GNAQ: variants seen among roughly 807,000 people sequenced by gnomAD.
GNAQ encodes G protein subunit alpha q, also known as guanine nucleotide-binding protein G(q) subunit alpha.
Under a neutral mutation model 43.9 loss-of-function variants are expected in GNAQ, and 8 were observed. That is an observed-to-expected ratio of 0.18 (90% confidence interval 0.11 to 0.33). The LOEUF (loss-of-function observed/expected upper bound fraction) is 0.33, where lower values mean the gene tolerates loss of function less well. Ranked by LOEUF, GNAQ falls within the 10% of genes least tolerant of loss-of-function variation. The pLI, the probability that GNAQ is intolerant of heterozygous loss-of-function variation, is 1.00. For synonymous variants in GNAQ, 155 were observed against 170.7 expected, an observed-to-expected ratio of 0.91 and a Z score of 0.71; for missense variants, 158 against 450.8, an observed-to-expected ratio of 0.35 and a Z score of 5.88.
At chr9:77,914,594 G>A (rs991103182) in intron 2 of GNAQ, among the ~76,000 whole-genome samples, 8 of 152,022 alleles carry the variant, frequency 5.3e-5, no homozygotes, top group African/African-American at 1.2e-4. Flanking sequence ...CCCAGGAGGC[G>A]GAGGTTGCGG....
chr9:78,022,842 A>T (rs1487478445), intron 1 of GNAQ, among the ~76,000 whole-genome samples: 1 of 152,214 alleles, frequency 6.6e-6, no homozygotes, highest in African/African-American at 2.4e-5. Flanking sequence ...GAAAATACCA[A>T]AACAAACCCA....
At chr9:78,015,990 G>A (rs978181668) in intron 1 of GNAQ, among the ~76,000 whole-genome samples, 1 of 152,122 alleles carries the variant, frequency 6.6e-6, no homozygotes. Context: ...AGAATGTCAA[G>A]ACAACTCAAT....
At chr9:77,861,376 T>G in intron 2 of GNAQ, among the ~76,000 whole-genome samples, 4 of 152,272 alleles carry the variant, frequency 2.6e-5, no homozygotes, top group Admixed American at 2.6e-4. Context: ...CCAAATCTCA[T>G]GTCCTCATAT....
intron 1 of GNAQ, among the ~76,000 whole-genome samples, chr9:78,002,150 C>T (rs1255922184): frequency 6.6e-6 from 1 of 152,110 alleles, no homozygotes; most frequent in Non-Finnish European, 1.5e-5. Flanking sequence ...TAATATTATT[C>T]AGTTAAGTGA....
At chr9:77,945,896 C>T (rs886250759) in intron 1 of GNAQ, among the ~76,000 whole-genome samples, 1 of 152,230 alleles carries the variant, frequency 6.6e-6, no homozygotes, top group South Asian at 2.1e-4. Flanking sequence ...TGAAGTTATG[C>T]GAATCACCCA....
chr9:77,802,739 C>T lies in GNAQ; in HGVS notation c.477-5091G>A, dbSNP rs557211460. ...ATGTGTAACAAGTATCTGGTAGTGA[C>T]TCTCTCCTGATGTCAGGGAGAGGAA... On this transcript the variant is annotated intron_variant, in intron 3 of 6. Coordinates refer to ENST00000286548, the MANE Select transcript of GNAQ (RefSeq NM_002072.5). 2.6e-5 allele frequency among the ~76,000 whole-genome samples: 4 copies of T among 152,220 alleles called. No homozygotes were observed. The South Asian group carries it at 6.2e-4, about 24-fold the overall frequency.
At chr9:77,992,121 T>C (rs1200561473) in intron 1 of GNAQ, among the ~76,000 whole-genome samples, 1 of 152,194 alleles carries the variant, frequency 6.6e-6, no homozygotes, top group Non-Finnish European at 1.5e-5. Context: ...AGTTCTACTT[T>C]TAGTTCTCTA....
intron 5 of GNAQ, among the ~76,000 whole-genome samples, chr9:77,762,322 C>T (rs1442269504): frequency 2.0e-5 from 3 of 147,404 alleles, no homozygotes; most frequent in Admixed American, 1.3e-4. Context: ...CCCGCCCGGC[C>T]AGCCGCCCCA....
At chr9:77,873,915 G>A (rs1264621519) in intron 2 of GNAQ, among the ~76,000 whole-genome samples, 1 of 152,094 alleles carries the variant, frequency 6.6e-6, no homozygotes, top group East Asian at 1.9e-4. Context: ...AGACCAGCCT[G>A]GCCAACACGG....
intron 2 of GNAQ, among the ~76,000 whole-genome samples, chr9:77,891,242 T>G (rs1248232357): frequency 2.0e-5 from 3 of 152,174 alleles, no homozygotes; most frequent in African/African-American, 7.2e-5. Flanking sequence ...TCTTGCCTAT[T>G]CTCAGTAGCC....
chr9:77,765,777 A>T (rs543731200), intron 5 of GNAQ, among the ~76,000 whole-genome samples: 1 of 152,350 alleles, frequency 6.6e-6, no homozygotes, highest in Admixed American at 6.5e-5. Flanking sequence ...AACAGAACGG[A>T]AAGTAGGAAT....
chr9:77,935,146 C>A (rs1829212110), intron 1 of GNAQ, among the ~76,000 whole-genome samples: 1 of 151,916 alleles, frequency 6.6e-6, no homozygotes, highest in Non-Finnish European at 1.5e-5. Context: ...AAAATTATAC[C>A]CAAAGAAATA....
At chr9:77,914,211 A>T (rs1000266981) in intron 2 of GNAQ, among the ~76,000 whole-genome samples, 1 of 152,182 alleles carries the variant, frequency 6.6e-6, no homozygotes, top group African/African-American at 2.4e-5. Flanking sequence ...AATTATAGAA[A>T]GGGATTTTGA....
chr9:77,929,355 A>G (rs1195259260), intron 1 of GNAQ, among the ~76,000 whole-genome samples: 1 of 152,176 alleles, frequency 6.6e-6, no homozygotes, highest in Non-Finnish European at 1.5e-5. Context: ...GAACCTACCA[A>G]GGTCTCTTAT....
intron 5 of GNAQ, among the ~76,000 whole-genome samples, chr9:77,734,908 A>G (rs947289547): frequency 1.3e-5 from 2 of 152,216 alleles, no homozygotes; most frequent in African/African-American, 4.8e-5. Context: ...ATGTTGCTTT[A>G]TGATATTTTT....
At chr9:77,778,371 C>T (rs1007838978) in intron 5 of GNAQ, among the ~76,000 whole-genome samples, 2 of 151,770 alleles carry the variant, frequency 1.3e-5, no homozygotes, top group Admixed American at 1.3e-4. Context: ...GAGTGTGGAC[C>T]TGGGTTAGTT....
At chr9:77,927,066 C>T (rs1587414372) in intron 1 of GNAQ, among the ~76,000 whole-genome samples, 1 of 152,224 alleles carries the variant, frequency 6.6e-6, no homozygotes, top group East Asian at 1.9e-4. Context: ...TCACATTAGA[C>T]ACACACTCTC....
intron 5 of GNAQ, among the ~76,000 whole-genome samples, chr9:77,771,636 T>C (rs879653864): frequency 6.6e-6 from 1 of 152,108 alleles, no homozygotes; most frequent in African/African-American, 2.4e-5. Flanking sequence ...CTACAGAATC[T>C]GCAGGTCCCA....
At chr9:77,957,376 A>C (rs1358780442) in intron 1 of GNAQ, among the ~76,000 whole-genome samples, 3 of 151,878 alleles carry the variant, frequency 2.0e-5, no homozygotes, top group Admixed American at 6.6e-5. Flanking sequence ...AAAAAAACAA[A>C]AACAAAAACA....
Sources: allele counts gnomAD v4.1 joint callset (sites outside exome capture counted in the v4.1 genomes callset), GRCh38; gene constraint gnomAD v4.1.1; transcripts MANE v1.5; gene names NCBI Gene and HGNC (gene_info 2026-07-23, HGNC 2026-07-21).